CAMSAP2: variants seen among roughly 807,000 people sequenced by gnomAD.
The protein encoded by CAMSAP2 is calmodulin regulated spectrin associated protein family member 2, also known as calmodulin-regulated spectrin-associated protein 2.
A neutral mutation model predicts 146.1 loss-of-function variants in CAMSAP2; 26 were observed. That is an observed-to-expected ratio of 0.18 (90% CI 0.13 to 0.25). The LOEUF (loss-of-function observed/expected upper bound fraction) is 0.25. CAMSAP2 is among the 10% of genes least tolerant of loss of function. CAMSAP2 has a pLI of 1.00. For synonymous variants in CAMSAP2, 499 were observed against 596.6 expected, an observed-to-expected ratio of 0.84 and a Z score of 2.38; for missense variants, 1,381 against 1,759.3, an observed-to-expected ratio of 0.78 and a Z score of 3.85.
In CAMSAP2 at chr1:200,858,140, G is replaced by T. The variant is rs1410419109; in HGVS notation, c.*81G>T. 1 of 1,237,996 alleles carries T rather than the reference G, an allele frequency of 8.1e-7. No individual in the cohort carries two copies. The highest frequency in any genetic ancestry group is 1.5e-5 in the African/African-American group (1 of 65,690). 76.7% of individuals were successfully genotyped at this position (1,237,996 alleles called of 1,614,324 possible). A position where few individuals can be genotyped will look rare whatever the true frequency, so the allele number is the denominator to read the frequency against. Reference sequence around the variant, plus strand: ...CTGCCTATAGAAAATCTTTCTAATTGCCAACAAGACTTTTATTAATTAAAA... The same window carrying T: ...CTGCCTATAGAAAATCTTTCTAATTTCCAACAAGACTTTTATTAATTAAAA... On this transcript the variant is annotated 3_prime_UTR_variant, in exon 17 of 17. Coordinates refer to ENST00000358823, the MANE Select transcript of CAMSAP2 (RefSeq NM_203459.4).
intron 4 of CAMSAP2, among the ~76,000 whole-genome samples, chr1:200,816,652 G>T (rs1438691030): frequency 7.2e-6 from 1 of 139,478 alleles, no homozygotes; most frequent in African/African-American, 2.6e-5. Flanking sequence ...ACATATATAT[G>T]CACACACATA....
chr1:200,800,818 C>T (rs1296826941), intron 2 of CAMSAP2, among the ~76,000 whole-genome samples: 2 of 152,148 alleles, frequency 1.3e-5, no homozygotes, highest in African/African-American at 2.4e-5. Context: ...TTCCTATCCA[C>T]ATTTAGTGCT....
chr1:200,852,219 A>AACT (rs1286654580), intron 11 of CAMSAP2, among the ~76,000 whole-genome samples: 1 of 152,142 alleles, frequency 6.6e-6, no homozygotes, highest in Non-Finnish European at 1.5e-5. Flanking sequence ...TTGGTGGGGG[A>AACT]ACTACCTACT....
Position 200,849,992 on chromosome 1 carries a change from C to T in CAMSAP2, c.3223C>T (p.Leu1075=), listed in dbSNP as rs774654408. 1.2e-6 allele frequency: 2 copies of T among 1,614,128 alleles called. No homozygotes were observed. Among genetic ancestry groups the T allele is most frequent in the South Asian group, 2.2e-5 (2 of 91,070 alleles). The change falls in exon 11 of 17, where the codon CTG becomes TTG. Residue 1075 remains leucine, a synonymous_variant. Coordinates refer to ENST00000358823, the MANE Select transcript of CAMSAP2 (RefSeq NM_203459.4). The surrounding 1 kb of genome is among the most constrained non-coding windows in gnomAD (Gnocchi z 6.3). ...GTCAACAGTCTCTGAAGTCCTATCA[C>T]TGCCTGTCACAGAGACTGTATGTCT... ...FESTVSEVLS[L]PVTETVCLTP... is the part of the protein sequence containing the mutation.
chr1:200,755,979 C>T (rs1205273039), intron 1 of CAMSAP2, among the ~76,000 whole-genome samples: 1 of 152,102 alleles, frequency 6.6e-6, no homozygotes, highest in Non-Finnish European at 1.5e-5. Context: ...GCCTCTAGTG[C>T]ATGGGCCAAA....
chr1:200,849,468 G>A lies in CAMSAP2; in HGVS notation c.2699G>A (p.Arg900His), dbSNP rs1667556904. The A allele has an allele frequency of 1.9e-6, 3 of 1,614,090 alleles. No homozygotes were observed. The highest frequency in any genetic ancestry group is 2.2e-5 in the East Asian group (1 of 44,900). Residue 900 changes from arginine (R) to histidine (H), a missense_variant, in exon 11 of 17, where the codon CGC becomes CAC. Arg to His is a conservative substitution (Grantham distance 29). Transcript: ENST00000358823. The surrounding 1 kb of genome is among the most constrained non-coding windows in gnomAD (Gnocchi z 6.3). ...CATTTTCTACAACAAGAAATGCAAC[G>A]CTTGTCACTTCAGCAGGAGATGTTA... The part of the protein sequence containing the change: ...SLHFLQQEMQ[R>H]LSLQQEMLMQ...
chr1:200,760,970 A>G lies in CAMSAP2; in HGVS notation c.271A>G (p.Ser91Gly), dbSNP rs1348972847. The G allele has an allele frequency of 6.2e-7, 1 of 1,614,020 alleles. No individual in the cohort carries two copies. Residue 91 changes from serine (S) to glycine (G), a missense_variant, in exon 2 of 17, where the codon AGT becomes GGT. Ser to Gly is a moderately conservative substitution (Grantham distance 56). Around this residue, in one of 4 missense-constraint regions of CAMSAP2, gnomAD observed 284 missense variants for 406.9 expected, o/e 0.70. Transcript: ENST00000358823. ...YCRAGSLILK[S>G]DAAKPLLGHD... ...TCGTGCTGGGAGTCTCATTCTCAAG[A>G]GTGATGCTGCAAAACCCCTTTTGGG...
At chr1:200,817,160 A>G (rs1300992211) in intron 4 of CAMSAP2, among the ~76,000 whole-genome samples, 1 of 92,826 alleles carries the variant, frequency 1.1e-5, no homozygotes, top group Non-Finnish European at 2.0e-5. Context: ...ACACACATAC[A>G]CACACGTGTG....
intron 2 of CAMSAP2, among the ~76,000 whole-genome samples, chr1:200,761,506 C>T (rs546383763): frequency 5.3e-5 from 8 of 152,226 alleles, no homozygotes; most frequent in African/African-American, 1.7e-4. Flanking sequence ...GAGGCCGAGG[C>T]GGGCAGATCA....
intron 8 of CAMSAP2, among the ~76,000 whole-genome samples, chr1:200,845,538 A>G (rs1427069832): frequency 1.3e-5 from 2 of 152,194 alleles, no homozygotes; most frequent in Non-Finnish European, 2.9e-5. Flanking sequence ...GTCATCAGTC[A>G]TGCTTCTGCA....
intron 2 of CAMSAP2, among the ~76,000 whole-genome samples, chr1:200,770,618 G>T (rs1409230749): frequency 6.6e-6 from 1 of 152,060 alleles, no homozygotes; most frequent in Non-Finnish European, 1.5e-5. Context: ...GTTTCATTGT[G>T]TTAGCCAGGA....
At chr1:200,794,881 A>G (rs769188375) in intron 2 of CAMSAP2, among the ~76,000 whole-genome samples, 2 of 152,232 alleles carry the variant, frequency 1.3e-5, no homozygotes, top group Non-Finnish European at 2.9e-5. Flanking sequence ...TCCTGGTTAT[A>G]AAGTTGTGTG....
intron 7 of CAMSAP2, among the ~76,000 whole-genome samples, chr1:200,844,028 C>T (rs1286884705): frequency 8.6e-5 from 13 of 151,948 alleles, no homozygotes; most frequent in Admixed American, 3.9e-4. Context: ...CCTGCCACCA[C>T]GCCCGGCTAA....
intron 1 of CAMSAP2, among the ~76,000 whole-genome samples, chr1:200,750,425 T>G (rs1439147888): frequency 1.3e-5 from 2 of 152,144 alleles, no homozygotes; most frequent in Admixed American, 6.5e-5. Context: ...TTTTGAAGTT[T>G]TGTAGCTTTT....
chr1:200,823,034 C>T (rs1308326322), intron 4 of CAMSAP2, among the ~76,000 whole-genome samples: 1 of 152,212 alleles, frequency 6.6e-6, no homozygotes, highest in Non-Finnish European at 1.5e-5. Flanking sequence ...CTGTAAATAG[C>T]CTATCTTTCT....
intron 1 of CAMSAP2, among the ~76,000 whole-genome samples, chr1:200,751,050 G>A (rs1664491974): frequency 6.6e-6 from 1 of 151,186 alleles, no homozygotes; most frequent in South Asian, 2.1e-4. Flanking sequence ...TTACAGGCAC[G>A]TGCCACCACG....
intron 2 of CAMSAP2, among the ~76,000 whole-genome samples, chr1:200,762,311 A>G (rs533733335): frequency 6.6e-6 from 1 of 152,374 alleles, no homozygotes; most frequent in Admixed American, 6.5e-5. Context: ...GTTATTAACA[A>G]TAACTAGAAT....
chr1:200,762,178 AT>A (rs1396992250), intron 2 of CAMSAP2, among the ~76,000 whole-genome samples: 10 of 152,234 alleles, frequency 6.6e-5, no homozygotes, highest in African/African-American at 2.4e-4. Context: ...CTATTACTAA[AT>A]GAGGTGATGA....
intron 2 of CAMSAP2, among the ~76,000 whole-genome samples, chr1:200,783,058 C>G (rs191162181): frequency 6.6e-6 from 1 of 151,808 alleles, no homozygotes; most frequent in Non-Finnish European, 1.5e-5. Context: ...AGCCACTGCA[C>G]CCGACCTTAT....
Sources: gnomAD v4.1 joint callset for allele counts (sites outside exome capture counted in the v4.1 genomes callset) on GRCh38, gnomAD v4.1.1 for gene constraint, gnomAD v4.1.1 regional missense constraint, Gnocchi (gnomAD v3.1) non-coding constraint, MANE v1.5 for transcripts, NCBI Gene and HGNC (gene_info 2026-07-23, HGNC 2026-07-21) for gene names.